The following FAM193A variants were observed in gnomAD, a reference collection of about 807,000 sequenced individuals.
The protein encoded by FAM193A is protein FAM193A.
FAM193A carries 22 observed loss-of-function variants against 126.5 expected under a neutral mutation model. That is an observed-to-expected ratio of 0.17 (90% CI 0.12 to 0.25). The LOEUF (loss-of-function observed/expected upper bound fraction) is 0.25. Among genes scored for constraint, FAM193A ranks in the 10% least tolerant of loss-of-function variants. The pLI is 1.00. For synonymous variants in FAM193A, 761 were observed against 646.8 expected, an observed-to-expected ratio of 1.18 and a Z score of -2.68; for missense variants, 1,675 against 1,672.8, an observed-to-expected ratio of 1.00 and a Z score of -0.02.
At chr4:2,536,020 C>T (rs767438864), upstream of FAM193A, among the ~76,000 whole-genome samples, 1 of 152,122 alleles carries the variant, frequency 6.6e-6, no homozygotes, top group Non-Finnish European at 1.5e-5. Flanking sequence ...CTGTGGTCCT[C>T]ACTGAGTCAT....
chr4:2,728,895 A>ATTTTTTTTTTTTTTTTTTTTTTTTTT (rs1491485597), intron 20 of FAM193A, among the ~76,000 whole-genome samples: 4 of 105,710 alleles, frequency 3.8e-5, no homozygotes, highest in Non-Finnish European at 1.8e-5. Context: ...CACCTCCAAA[A>ATTTTTTTTTTTTTTTTTTTTTTTTTT]CTTTTTTTTT....
chr4:2,632,815 A>G (rs1054224789), intron 5 of FAM193A, among the ~76,000 whole-genome samples: 4 of 151,958 alleles, frequency 2.6e-5, no homozygotes, highest in African/African-American at 7.3e-5. Context: ...CCCCGTCTCT[A>G]CCTGAGAGTC....
intron 1 of FAM193A, among the ~76,000 whole-genome samples, chr4:2,561,770 T>G (rs550420249): frequency 2.6e-5 from 4 of 152,286 alleles, no homozygotes; most frequent in Admixed American, 2.0e-4. Context: ...GTGCTGGGAT[T>G]ACAGGCGTGA....
intron 6 of FAM193A, among the ~76,000 whole-genome samples, chr4:2,640,064 T>C (rs1256765608): frequency 6.6e-6 from 1 of 152,176 alleles, no homozygotes; most frequent in African/African-American, 2.4e-5. Context: ...TCAATATAAA[T>C]GCTACTAAGA....
At chr4:2,637,771 C>T (rs141339726) in intron 5 of FAM193A, among the ~76,000 whole-genome samples, 34 of 152,276 alleles carry the variant, frequency 2.2e-4, no homozygotes, top group African/African-American at 7.5e-4. Context: ...GGGGCATGGG[C>T]AGGGCACTAC....
In FAM193A at chr4:2,716,056, A is replaced by G; in HGVS notation, c.4406A>G (p.Asp1469Gly). 6.2e-7 allele frequency: 1 copy of G among 1,607,900 alleles called. No individual in the cohort carries two copies. The highest frequency in any genetic ancestry group is 8.5e-7 in the Non-Finnish European group (1 of 1,174,252). Residue 1469 changes from aspartate (D) to glycine (G), a missense_variant, in exon 20 of 21, where the codon GAC becomes GGC. By Grantham distance (94) the Asp-to-Gly change is moderately conservative (BLOSUM62 -1). Coordinates refer to ENST00000637812, the MANE Select transcript of FAM193A (RefSeq NM_001366318.2). The part of the protein sequence containing the change: ...DVFLPKDIDL[D>G]SVDMDETERE... ...TTTCTACCTAAAGATATTGACCTAG[A>G]CAGTGTGGATATGGATGAGACAGAG...
At chr4:2,566,095 T>C (rs1738929204) in intron 1 of FAM193A, among the ~76,000 whole-genome samples, 1 of 151,406 alleles carries the variant, frequency 6.6e-6, no homozygotes, top group African/African-American at 2.4e-5. Context: ...TCGCCCAGAC[T>C]GGAGTGCAGT....
intron 4 of FAM193A, among the ~76,000 whole-genome samples, chr4:2,629,044 G>C (rs2108991183): frequency 6.6e-6 from 1 of 152,138 alleles, no homozygotes; most frequent in Non-Finnish European, 1.5e-5. Context: ...AGTAGAGACA[G>C]GGTTTCACCG....
chr4:2,706,047 A>T lies in FAM193A; in HGVS notation c.4372+5503A>T, dbSNP rs916836916. Among the ~76,000 whole-genome samples the T allele has an allele frequency of 2.6e-5, 4 of 151,752 alleles. No individual in the cohort carries two copies. In the East Asian group the frequency reaches 7.8e-4, roughly 30 times the overall value. On this transcript the variant is annotated intron_variant, in intron 19 of 20. Coordinates refer to ENST00000637812, the MANE Select transcript of FAM193A (RefSeq NM_001366318.2). ...ATAGTGAGACCCCATCTCTACAGAT[A>T]TTTTTTTTAAAATAGCAGGGCATGG... is the stretch of plus-strand genomic sequence containing the variant.
chr4:2,713,477 AC>A (rs1719219161), intron 19 of FAM193A, among the ~76,000 whole-genome samples: 1 of 152,030 alleles, frequency 6.6e-6, no homozygotes, highest in Non-Finnish European at 1.5e-5. Flanking sequence ...AGACTTGCAT[AC>A]CCCACTCATG....
At chr4:2,579,977 G>A (rs1328323155) in intron 1 of FAM193A, among the ~76,000 whole-genome samples, 1 of 152,160 alleles carries the variant, frequency 6.6e-6, no homozygotes, top group Non-Finnish European at 1.5e-5. Context: ...ACACATGCAT[G>A]CGTGTGTTCA....
At chr4:2,728,690 G>C (rs886521711) in intron 20 of FAM193A, among the ~76,000 whole-genome samples, 3 of 152,020 alleles carry the variant, frequency 2.0e-5, no homozygotes, top group African/African-American at 7.2e-5. Context: ...AGTCGTTTGT[G>C]CAGGTATGCC....
chr4:2,631,834 C>T (rs992255509), intron 5 of FAM193A, among the ~76,000 whole-genome samples: 11 of 152,158 alleles, frequency 7.2e-5, no homozygotes, highest in Admixed American at 3.9e-4. Flanking sequence ...AAGTAGGCTG[C>T]GGTCAATCCT....
rs183078390 is a variant in FAM193A at position 2,603,590 on chromosome 4, G to T, written c.501+7261G>T. On this transcript the variant is annotated intron_variant, in intron 2 of 20. Coordinates refer to ENST00000637812, the MANE Select transcript of FAM193A (RefSeq NM_001366318.2). ...TCCTGCCTCAGCCTCCCAAGTAGCTGGGACTACGGGTGCATGCCACCACGC... is the reference window on the plus strand; with the variant it reads ...TCCTGCCTCAGCCTCCCAAGTAGCTTGGACTACGGGTGCATGCCACCACGC... Among the ~76,000 whole-genome samples the T allele has an allele frequency of 5.4e-3, 811 of 150,418 alleles. 9 individuals carry two copies. The highest frequency in any genetic ancestry group is 6.0e-3 in the Non-Finnish European group (408 of 67,700).
At chr4:2,582,358 C>G (rs1327419576) in intron 1 of FAM193A, among the ~76,000 whole-genome samples, 1 of 152,082 alleles carries the variant, frequency 6.6e-6, no homozygotes, top group African/African-American at 2.4e-5. Context: ...CCAGGCTACT[C>G]CTGAACTCCT....
intron 16 of FAM193A, among the ~76,000 whole-genome samples, chr4:2,694,633 G>A (rs760972565): frequency 2.0e-5 from 3 of 152,136 alleles, no homozygotes; most frequent in South Asian, 2.1e-4. Context: ...ACCCCTTTTC[G>A]AAGCCCCTTA....
chr4:2,657,575 GT>G (rs1227342733), intron 7 of FAM193A, among the ~76,000 whole-genome samples: 1 of 152,048 alleles, frequency 6.6e-6, no homozygotes, highest in Non-Finnish European at 1.5e-5. Flanking sequence ...TCTTTTTACT[GT>G]TTATTCATCT....
chr4:2,621,782 A>T (rs1348651896), intron 2 of FAM193A, among the ~76,000 whole-genome samples: 6 of 152,048 alleles, frequency 3.9e-5, no homozygotes, highest in Non-Finnish European at 7.4e-5. Flanking sequence ...TGGGCGTGGG[A>T]TGGAGGAGAG....
intron 19 of FAM193A, among the ~76,000 whole-genome samples, chr4:2,701,539 AT>A (rs1717731348): frequency 6.6e-6 from 1 of 152,092 alleles, no homozygotes. Context: ...CCCTGTTGGT[AT>A]ATCCCACCAG....
Sources: gnomAD v4.1 joint callset for allele counts (sites outside exome capture counted in the v4.1 genomes callset) on GRCh38, gnomAD v4.1.1 for gene constraint, MANE v1.5 for transcripts, NCBI Gene and HGNC (gene_info 2026-07-23, HGNC 2026-07-21) for gene names.